Variants in PSD3 observed in about 807,000 individuals in gnomAD.
PSD3 encodes the protein pleckstrin and Sec7 domain containing 3, also known as PH and SEC7 domain-containing protein 3.
PSD3 carries 49 observed loss-of-function variants against 105.5 expected under a neutral mutation model. That is an observed-to-expected ratio of 0.46 (90% confidence interval 0.37 to 0.59). The LOEUF (loss-of-function observed/expected upper bound fraction) is 0.59. Ranked by LOEUF, PSD3 falls within the 20% of genes least tolerant of loss-of-function variation. The pLI is 0.00. For missense variants in PSD3, 1,561 were observed against 1,263.8 expected (o/e 1.24, Z -3.57); for synonymous variants, 557 against 457.8 (o/e 1.22, Z -2.77).
intron 1 of PSD3, among the ~76,000 whole-genome samples, chr8:19,072,375 C>G (rs117390780): frequency 9.3e-4 from 142 of 152,290 alleles, no homozygotes; most frequent in South Asian, 1.9e-3. Context: ...GACTGAGCCA[C>G]GGAGCCCGGA....
intron 4 of PSD3, among the ~76,000 whole-genome samples, chr8:18,845,832 G>A (rs1025312931): frequency 3.9e-5 from 6 of 152,158 alleles, no homozygotes; most frequent in Non-Finnish European, 8.8e-5. Context: ...TTAGTCTCAG[G>A]ATTTTATGGG....
intron 1 of PSD3, among the ~76,000 whole-genome samples, chr8:19,023,088 C>T (rs1396881619): frequency 2.6e-5 from 4 of 152,068 alleles, no homozygotes; most frequent in African/African-American, 9.7e-5. Context: ...ATCATAGAGT[C>T]TTATATTTGA....
At chr8:18,968,521 A>T (rs908616384) in intron 1 of PSD3, among the ~76,000 whole-genome samples, 1 of 152,170 alleles carries the variant, frequency 6.6e-6, no homozygotes, top group Admixed American at 6.5e-5. Context: ...TAGACATCTC[A>T]AGACTAAAGA....
At chr8:18,781,420 T>TA (rs1478566190) in intron 8 of PSD3, among the ~76,000 whole-genome samples, 1 of 152,192 alleles carries the variant, frequency 6.6e-6, no homozygotes, top group Non-Finnish European at 1.5e-5. Flanking sequence ...CAATCCCTAT[T>TA]AAATGTTCCT....
At chr8:18,924,058 A>G (rs1196603046) in intron 2 of PSD3, among the ~76,000 whole-genome samples, 1 of 152,134 alleles carries the variant, frequency 6.6e-6, no homozygotes, top group East Asian at 1.9e-4. Flanking sequence ...TAGTATATAA[A>G]ACACCAAGTA....
At chr8:18,773,249 A>C (rs1394187437) in intron 8 of PSD3, among the ~76,000 whole-genome samples, 1 of 152,184 alleles carries the variant, frequency 6.6e-6, no homozygotes, top group Non-Finnish European at 1.5e-5. Context: ...CTGTATTCAC[A>C]CTACCATTTT....
rs192997748 is a variant in PSD3 at position 18,953,516 on chromosome 8, A to G, written c.22-17374T>C. 4.8e-3 allele frequency among the ~76,000 whole-genome samples: 738 copies of G among 152,332 alleles called. 4 individuals carry two copies. Among genetic ancestry groups the G allele is most frequent in the Non-Finnish European group, 7.1e-3 (481 of 68,030 alleles). On this transcript the variant is annotated intron_variant, in intron 1 of 15. Transcript: ENST00000327040. Reference sequence around the variant, plus strand: ...GTAATCCCAGCACTTTGGGAGGCCAAGGTGGGTGGATTACCAGAGGTCAGG... The same window carrying G: ...GTAATCCCAGCACTTTGGGAGGCCAGGGTGGGTGGATTACCAGAGGTCAGG...
intron 11 of PSD3, among the ~76,000 whole-genome samples, chr8:18,603,348 A>G (rs1053755293): frequency 6.6e-6 from 1 of 152,030 alleles, no homozygotes; most frequent in Non-Finnish European, 1.5e-5. Context: ...CTGTCAGTTT[A>G]ATGTTTACTT....
chr8:18,695,882 T>C (rs1276874505), intron 9 of PSD3, among the ~76,000 whole-genome samples: 1 of 152,194 alleles, frequency 6.6e-6, no homozygotes, highest in Non-Finnish European at 1.5e-5. Flanking sequence ...AAATTAACAA[T>C]GATAACTTCA....
rs187535451 is a variant in PSD3, at chr8:18,625,720, C to T, written c.2410+6893G>A. ...TCAGATTTTTGTTCCACCAGATACA[C>T]TGCTATTCTATACTACATCCTTGGT... On this transcript the variant is annotated intron_variant, in intron 11 of 15. Transcript: ENST00000327040. Among the ~76,000 whole-genome samples, 127 of 152,284 alleles carry T rather than the reference C, an allele frequency of 8.3e-4. 1 individual carries two copies. Among genetic ancestry groups the T allele is most frequent in the Admixed American group, 3.5e-3 (54 of 15,282 alleles).
chr8:18,944,620 A>T (rs2129469616), intron 1 of PSD3, among the ~76,000 whole-genome samples: 1 of 148,034 alleles, frequency 6.8e-6, no homozygotes, highest in South Asian at 2.2e-4. Flanking sequence ...ATAAATAAAT[A>T]AAGTTTAAGT....
At chr8:18,975,522 T>G (rs1019001643) in intron 1 of PSD3, among the ~76,000 whole-genome samples, 1 of 152,006 alleles carries the variant, frequency 6.6e-6, no homozygotes, top group Non-Finnish European at 1.5e-5. Context: ...CTTACCCAAG[T>G]CCCTCATTCT....
intron 11 of PSD3, among the ~76,000 whole-genome samples, chr8:18,616,720 T>G (rs1805710685): frequency 2.8e-5 from 4 of 143,292 alleles, no homozygotes; most frequent in South Asian, 2.3e-4. Context: ...GCCTCCCGGG[T>G]TCACGCCATT....
rs1047619516 is a variant in PSD3, at chr8:19,034,162, T to C, written c.324+50044A>G. 2.0e-5 allele frequency among the ~76,000 whole-genome samples: 3 copies of C among 152,288 alleles called. No homozygotes were observed. In the East Asian group the frequency reaches 5.8e-4, roughly 29 times the overall value. ...ACTGGGGCGTCAGAATTAGTGGCTC[T>C]TTTTCCCAGAGTTAAGGCTAGTTCA... On this transcript the variant is annotated intron_variant, in intron 1 of 1. Coordinates refer to the PSD3 transcript ENST00000521475.
intron 9 of PSD3, among the ~76,000 whole-genome samples, chr8:18,699,698 T>C (rs780232081): frequency 3.9e-5 from 6 of 152,142 alleles, no homozygotes; most frequent in African/African-American, 7.2e-5. Flanking sequence ...TCAAATGATA[T>C]AAAAATAAAT....
intron 8 of PSD3, among the ~76,000 whole-genome samples, chr8:18,775,515 C>A (rs1807971151): frequency 6.6e-6 from 1 of 152,064 alleles, no homozygotes; most frequent in Non-Finnish European, 1.5e-5. Context: ...TGTTTATTGT[C>A]TTTTTGATAA....
intron 15 of PSD3, among the ~76,000 whole-genome samples, chr8:18,549,226 G>A (rs1800624799): frequency 1.4e-5 from 2 of 144,110 alleles, no homozygotes; most frequent in South Asian, 2.2e-4. Flanking sequence ...TTATTGCCCA[G>A]GCTAGAGTGC....
At chr8:18,606,838 T>A (rs1169731509) in intron 11 of PSD3, among the ~76,000 whole-genome samples, 1 of 152,244 alleles carries the variant, frequency 6.6e-6, no homozygotes, top group African/African-American at 2.4e-5. Context: ...AGTGTTGGGC[T>A]AACGTTATAC....
intron 15 of PSD3, among the ~76,000 whole-genome samples, chr8:18,541,219 G>C (rs568139743): frequency 2.2e-4 from 33 of 149,934 alleles, no homozygotes; most frequent in Middle Eastern, 3.5e-3. Context: ...ACCATCACAT[G>C]AGGGTAAGGA....
Sources: allele counts gnomAD v4.1 joint callset (sites outside exome capture counted in the v4.1 genomes callset), GRCh38; gene constraint gnomAD v4.1.1; transcripts MANE v1.5; gene names NCBI Gene and HGNC (gene_info 2026-07-23, HGNC 2026-07-21).